The following ZNF138 variants were observed in gnomAD, a reference collection of about 807,000 sequenced individuals.
ZNF138 encodes the protein zinc finger protein 138, also known as zinc finger protein 138 (clone pHZ-32).
Under a neutral mutation model 33.0 loss-of-function variants are expected in ZNF138, and 33 were observed. The ratio of observed to expected loss-of-function variants is 1.00; its 90% CI spans 0.76 to 1.34. ZNF138 has a LOEUF of 1.34. Among genes scored for constraint, ZNF138 ranks in the 40% most tolerant of loss-of-function variants. ZNF138 has a pLI of 0.00. For synonymous variants in ZNF138, 139 were observed against 120.4 expected (o/e 1.15, Z -1.01); for missense variants, 360 against 370.8 (o/e 0.97, Z 0.24).
At chr7:64,823,810 C>T (rs968800260) in intron 3 of ZNF138, among the ~76,000 whole-genome samples, 5 of 152,182 alleles carry the variant, frequency 3.3e-5, no homozygotes, top group South Asian at 2.1e-4. Flanking sequence ...TGGTGGCACG[C>T]GCCTGTAGTC....
the ZNF138 span, among the ~76,000 whole-genome samples, chr7:64,857,983 A>T: frequency 1.3e-5 from 2 of 152,234 alleles, no homozygotes; most frequent in African/African-American, 4.8e-5. Flanking sequence ...TGAGATCATA[A>T]TATTTTTACT....
chr7:64,852,416 G>C, the ZNF138 span: 1 of 1,557,534 alleles, frequency 6.4e-7, no homozygotes, highest in South Asian at 1.2e-5. Flanking sequence ...CCCGGGTGTG[G>C]GATTCACATT....
intron 1 of ZNF138, among the ~76,000 whole-genome samples, chr7:64,795,469 G>C (rs1786609437): frequency 6.6e-6 from 1 of 152,040 alleles, no homozygotes; most frequent in Non-Finnish European, 1.5e-5. Context: ...AGTTCCTTCT[G>C]ACATTCCCAA....
chr7:64,845,134 C>G, the ZNF138 span, among the ~76,000 whole-genome samples: 1 of 152,214 alleles, frequency 6.6e-6, no homozygotes, highest in Non-Finnish European at 1.5e-5. Flanking sequence ...ATTTTTATGC[C>G]TTTGCATCCT....
At chr7:64,809,032 C>G (rs1219872027) in intron 1 of ZNF138, among the ~76,000 whole-genome samples, 7 of 128,416 alleles carry the variant, frequency 5.5e-5, no homozygotes, top group Non-Finnish European at 1.0e-4. Context: ...CTTTTCCCCA[C>G]CTTTCCCGCC....
intron 1 of ZNF138, among the ~76,000 whole-genome samples, chr7:64,796,582 A>G (rs574330478): frequency 1.4e-4 from 22 of 152,236 alleles, no homozygotes; most frequent in Non-Finnish European, 2.9e-4. Context: ...TCTATTTGTT[A>G]AGTATTCTCA....
At chr7:64,826,172 A>C (rs903626648) in intron 3 of ZNF138, among the ~76,000 whole-genome samples, 3 of 152,138 alleles carry the variant, frequency 2.0e-5, no homozygotes, top group African/African-American at 7.2e-5. Context: ...AAAGGAAATT[A>C]GTTACTAGTT....
At chr7:64,800,969 G>A (rs6956129) in intron 1 of ZNF138, among the ~76,000 whole-genome samples, 107,600 of 152,072 alleles carry the variant, frequency 0.71, 38,947 homozygotes, top group African/African-American at 0.86. Flanking sequence ...TTGTGTGCAT[G>A]GAAGTGTTCA....
At chr7:64,845,834 A>T in the ZNF138 span, among the ~76,000 whole-genome samples, 9 of 152,110 alleles carry the variant, frequency 5.9e-5, no homozygotes, top group African/African-American at 2.2e-4. Context: ...CCTTTGTCAG[A>T]TGTATAAATT....
At chr7:64,811,610 T>G (rs138372292) in intron 1 of ZNF138, among the ~76,000 whole-genome samples, 27 of 152,354 alleles carry the variant, frequency 1.8e-4, no homozygotes, top group African/African-American at 6.0e-4. Context: ...ACCCCCAAAG[T>G]GCCCGGCCTG....
intron 3 of ZNF138, chr7:64,830,856 T>C (rs1790024234): frequency 2.1e-6 from 3 of 1,409,072 alleles, no homozygotes; most frequent in East Asian, 2.7e-5. Context: ...AGGTCTGAAA[T>C]TTTTTAGGGT....
chr7:64,797,297 T>C (rs955783683), intron 1 of ZNF138, among the ~76,000 whole-genome samples: 2 of 152,208 alleles, frequency 1.3e-5, no homozygotes, highest in African/African-American at 4.8e-5. Context: ...TTAATGGATA[T>C]AATAAAATAA....
intron 1 of ZNF138, among the ~76,000 whole-genome samples, chr7:64,796,380 C>T (rs915748088): frequency 3.9e-5 from 6 of 152,104 alleles, no homozygotes; most frequent in Admixed American, 2.6e-4. Context: ...CTTGACTTGA[C>T]ATGTGAGTGA....
chr7:64,849,226 A>T, the ZNF138 span, among the ~76,000 whole-genome samples: 2 of 151,862 alleles, frequency 1.3e-5, no homozygotes, highest in Non-Finnish European at 2.9e-5. Flanking sequence ...TTTTTTCTGG[A>T]TCTAGTCACT....
rs749659918 is a variant in ZNF138, at chr7:64,831,890, T to G, written c.648T>G (p.Ile216Met). ...CAAACCTTTCTAAACCTAAGAAAATTCATACTGGAGAAAAACCCTACAAAT... is the reference window on the plus strand; with the variant it reads ...CAAACCTTTCTAAACCTAAGAAAATGCATACTGGAGAAAAACCCTACAAAT... ...WSTNLSKPKK[I>M]HTGEKPYKCE... The change falls in exon 4 of 4, where the codon ATT (isoleucine) becomes ATG (methionine). Residue 216 changes from isoleucine to methionine, a missense_variant. By Grantham distance (10) the Ile-to-Met change is conservative. Transcript: ENST00000307355. The G allele has an allele frequency of 6.2e-7, 1 of 1,613,758 alleles. No homozygotes were observed.
intron 1 of ZNF138, 136 bp downstream of exon 1, chr7:64,794,707 G>C: frequency 7.6e-7 from 1 of 1,322,874 alleles, no homozygotes; most frequent in Non-Finnish European, 1.1e-6. Context: ...GGCACAGCTC[G>C]GCCCTCAGTC....
the ZNF138 span, among the ~76,000 whole-genome samples, chr7:64,840,096 A>G: frequency 6.6e-6 from 1 of 152,104 alleles, no homozygotes; most frequent in Admixed American, 6.5e-5. Context: ...GAACCTGGAA[A>G]TGCTGAGTCG....
intron 3 of ZNF138, among the ~76,000 whole-genome samples, chr7:64,821,815 G>A (rs367702060): frequency 6.6e-6 from 1 of 151,530 alleles, no homozygotes; most frequent in Admixed American, 6.6e-5. Context: ...AAAGTGTTGG[G>A]ATTACAGGCA....
chr7:64,824,336 T>A (rs188015285), intron 3 of ZNF138, among the ~76,000 whole-genome samples: 2 of 152,298 alleles, frequency 1.3e-5, no homozygotes, highest in Non-Finnish European at 2.9e-5. Context: ...ACCATGATTG[T>A]AAGCTTCCTG....
Sources: gnomAD v4.1 joint callset for allele counts (sites outside exome capture counted in the v4.1 genomes callset) on GRCh38, gnomAD v4.1.1 for gene constraint, MANE v1.5 for transcripts, NCBI Gene and HGNC (gene_info 2026-07-23, HGNC 2026-07-21) for gene names.